GALNT7: variants seen among roughly 807,000 people sequenced by gnomAD.
The protein encoded by GALNT7 is N-acetylgalactosaminyltransferase 7.
In GALNT7, 60 loss-of-function variants were observed where a neutral mutation model predicts 82.1. That is an observed-to-expected ratio of 0.73 (90% CI 0.59 to 0.91). The LOEUF (loss-of-function observed/expected upper bound fraction) is 0.91, where lower values mean the gene tolerates loss of function less well. GALNT7 is among the 40% of genes least tolerant of loss of function. GALNT7 has a pLI of 0.00. For synonymous variants in GALNT7, 243 were observed against 275.1 expected (o/e 0.88, Z 1.15); for missense variants, 660 against 804.2 (o/e 0.82, Z 2.17).
chr4:173,221,751 C>T (rs1029455484), intron 1 of GALNT7, among the ~76,000 whole-genome samples: 3 of 152,140 alleles, frequency 2.0e-5, no homozygotes, highest in East Asian at 3.8e-4. Context: ...TTTTAACATT[C>T]GGCTCTGACT....
intron 2 of GALNT7, among the ~76,000 whole-genome samples, chr4:173,280,692 A>G (rs1284364487): frequency 6.6e-6 from 1 of 152,326 alleles, no homozygotes; most frequent in East Asian, 1.9e-4. Context: ...AGTCAAAAAT[A>G]TATATCAGGG....
chr4:173,183,107 T>G (rs1391755040), intron 1 of GALNT7, among the ~76,000 whole-genome samples: 2 of 151,668 alleles, frequency 1.3e-5, no homozygotes, highest in African/African-American at 2.4e-5. Context: ...TTTCTCTGTG[T>G]ACCTGATACT....
intron 1 of GALNT7, among the ~76,000 whole-genome samples, chr4:173,188,865 C>T (rs1047734422): frequency 3.9e-5 from 6 of 152,326 alleles, no homozygotes; most frequent in Middle Eastern, 3.4e-3. Context: ...CTCTTTAGCA[C>T]GTGGCTGTTT....
At chr4:173,297,919 C>A in intron 5 of GALNT7, 196 bp from the exon 6 acceptor site, 1 of 1,498,344 alleles carries the variant, frequency 6.7e-7, no homozygotes, top group South Asian at 1.3e-5. Context: ...ACTATGGAAA[C>A]GTATTCCTCT....
intron 11 of GALNT7, among the ~76,000 whole-genome samples, chr4:173,319,658 G>A (rs1376640028): frequency 1.3e-5 from 2 of 152,096 alleles, no homozygotes; most frequent in Non-Finnish European, 2.9e-5. Context: ...CACATAACAT[G>A]TTTTAGGTAT....
chr4:173,264,792 G>A (rs1735419126), intron 2 of GALNT7, among the ~76,000 whole-genome samples: 5 of 152,212 alleles, frequency 3.3e-5, no homozygotes, highest in Admixed American at 2.0e-4. Flanking sequence ...CAGCCAGCAA[G>A]CAGCTGGTGT....
chr4:173,311,734 G>A (rs925042771), intron 8 of GALNT7, among the ~76,000 whole-genome samples: 3 of 152,170 alleles, frequency 2.0e-5, no homozygotes, highest in African/African-American at 4.8e-5. Context: ...CAACATTGGG[G>A]ATTATAATTG....
chr4:173,214,457 G>T (rs370345038), intron 1 of GALNT7, among the ~76,000 whole-genome samples: 2 of 152,228 alleles, frequency 1.3e-5, no homozygotes, highest in South Asian at 2.1e-4. Flanking sequence ...TAGCCTGCCC[G>T]CTGGGACAGA....
At chr4:173,213,699 A>C (rs894847399) in intron 1 of GALNT7, among the ~76,000 whole-genome samples, 2 of 152,190 alleles carry the variant, frequency 1.3e-5, no homozygotes, top group African/African-American at 4.8e-5. Flanking sequence ...CTAACCAAAA[A>C]ATTCTAATAA....
chr4:173,213,537 A>G (rs1258746266), intron 1 of GALNT7, among the ~76,000 whole-genome samples: 1 of 152,158 alleles, frequency 6.6e-6, no homozygotes, highest in Non-Finnish European at 1.5e-5. Context: ...GCTGTGGTGT[A>G]TAATATGAGT....
At chr4:173,178,068 C>T (rs905357479) in intron 1 of GALNT7, among the ~76,000 whole-genome samples, 24 of 147,294 alleles carry the variant, frequency 1.6e-4, no homozygotes, top group Non-Finnish European at 2.7e-4. Flanking sequence ...CACGCGCGTG[C>T]GCACAGACAC....
intron 2 of GALNT7, among the ~76,000 whole-genome samples, chr4:173,267,448 C>T (rs1735546250): frequency 6.6e-6 from 1 of 152,166 alleles, no homozygotes; most frequent in African/African-American, 2.4e-5. Flanking sequence ...CACCCATAGG[C>T]AGATTACCAG....
chr4:173,212,821 G>A (rs1395239041), intron 1 of GALNT7, among the ~76,000 whole-genome samples: 3 of 151,990 alleles, frequency 2.0e-5, no homozygotes, highest in East Asian at 3.9e-4. Flanking sequence ...GTTTCCTTCC[G>A]TGTGTCTAAC....
At chr4:173,243,750 T>A (rs1341579170) in intron 1 of GALNT7, among the ~76,000 whole-genome samples, 1 of 152,218 alleles carries the variant, frequency 6.6e-6, no homozygotes, top group Non-Finnish European at 1.5e-5. Context: ...TGCTATTATA[T>A]GGCATTATTA....
At chr4:173,174,649 A>C (rs1049224446) in intron 1 of GALNT7, among the ~76,000 whole-genome samples, 1 of 151,970 alleles carries the variant, frequency 6.6e-6, no homozygotes, top group Admixed American at 6.5e-5. Context: ...AGACCTCATG[A>C]AGAATACTGA....
chr4:173,269,721 TC>T (rs1162805021), intron 2 of GALNT7, among the ~76,000 whole-genome samples: 1 of 152,220 alleles, frequency 6.6e-6, no homozygotes, highest in East Asian at 1.9e-4. Context: ...GATTTAATCT[TC>T]CCTCCTCCTC....
At chr4:173,188,807 C>T (rs1732533301) in intron 1 of GALNT7, among the ~76,000 whole-genome samples, 1 of 152,156 alleles carries the variant, frequency 6.6e-6, no homozygotes, top group African/African-American at 2.4e-5. Flanking sequence ...GAGTCCATAC[C>T]GATATATCTG....
chr4:173,202,450 G>A (rs372542116), intron 1 of GALNT7, among the ~76,000 whole-genome samples: 10 of 152,294 alleles, frequency 6.6e-5, no homozygotes, highest in Admixed American at 4.6e-4. Flanking sequence ...AGAAATCACC[G>A]AAATGGGGAG....
At chr4:173,216,727 A>ATATATATATTTTT (rs71244915) in intron 1 of GALNT7, among the ~76,000 whole-genome samples, 3 of 12,982 alleles carry the variant, frequency 2.3e-4, no homozygotes, top group African/African-American at 8.3e-4. Context: ...ATATATATAT[A>ATATATATATTTTT]TTTTTTTTTT....
Sources: gnomAD v4.1 joint callset for allele counts (sites outside exome capture counted in the v4.1 genomes callset) on GRCh38, gnomAD v4.1.1 for gene constraint, MANE v1.5 for transcripts, NCBI Gene and HGNC (gene_info 2026-07-23, HGNC 2026-07-21) for gene names.